Variants in A2M observed in about 807,000 individuals in gnomAD.
The protein encoded by A2M is C3 and PZP-like alpha-2-macroglobulin domain-containing protein 5.
Under a neutral mutation model 183.9 loss-of-function variants are expected in A2M, and 128 were observed. That is an observed-to-expected ratio of 0.70 (90% CI 0.60 to 0.81). The LOEUF is 0.81. A2M is among the 30% of genes least tolerant of loss of function. The pLI, the probability that A2M is intolerant of heterozygous loss-of-function variation, is 0.00. For synonymous variants in A2M, 592 were observed against 670.8 expected, an observed-to-expected ratio of 0.88 and a Z score of 1.81; for missense variants, 1,495 against 1,787.6, an observed-to-expected ratio of 0.84 and a Z score of 2.95.
intron 26 of A2M, 93 bp downstream of exon 26, chr12:9,077,608 C>A: frequency 6.4e-7 from 1 of 1,551,982 alleles, no homozygotes; most frequent in South Asian, 1.2e-5. Context: ...TCCTCTGAGG[C>A]TTTCCCTTAG....
rs112313721 is a variant in A2M at position 9,068,226 on chromosome 12, T to C, written c.4367-2A>G. 1 of 1,601,824 alleles carries C rather than the reference T, an allele frequency of 6.2e-7. No homozygotes were observed. Among genetic ancestry groups the C allele is most frequent in the Non-Finnish European group, 8.5e-7 (1 of 1,177,582 alleles). ...TGTACTCAGCAATTGCAAACTCATC[T>C]GAAAAAAAAAAAACCAACAAAAAAC... On this transcript the variant is annotated splice_acceptor_variant, in intron 34 of 35. Transcript: ENST00000318602. LOFTEE classifies it high-confidence loss of function.
rs1391103365 is a variant in A2M at position 9,093,563 on chromosome 12, T to C, written c.2142A>G (p.Gly714=). 6.2e-7 allele frequency: 1 copy of C among 1,600,136 alleles called. No homozygotes were observed. The highest frequency in any genetic ancestry group is 1.7e-5 in the Admixed American group (1 of 58,404). ...CATGCACCAGGCGTGCATGGCCTCT[T>C]CCCATTACATCTGACTCTATGGTGA... ...RVGFYESDVM[G]RGHARLVHVE... is the part of the protein sequence containing the mutation. Residue 714 remains glycine (G), a synonymous_variant, in exon 18 of 36, where the codon GGA becomes GGG. Coordinates refer to ENST00000318602, the MANE Select transcript of A2M (RefSeq NM_000014.6).
chr12:9,114,129 C>G (rs148582666), intron 1 of A2M, among the ~76,000 whole-genome samples: 1 of 152,240 alleles, frequency 6.6e-6, no homozygotes, highest in East Asian at 1.9e-4. Flanking sequence ...TGTTACCTAA[C>G]CATGGATGTT....
chr12:9,080,714 A>C (rs747854189), intron 22 of A2M, among the ~76,000 whole-genome samples: 1 of 152,360 alleles, frequency 6.6e-6, no homozygotes, highest in African/African-American at 2.4e-5. Flanking sequence ...GAAGACGAAC[A>C]GTATTTGATG....
chr12:9,098,478 G>T, intron 15 of A2M, 129 bp downstream of exon 15: 2 of 954,998 alleles, frequency 2.1e-6, no homozygotes, highest in Non-Finnish European at 2.9e-6. Context: ...GCCCACAAGA[G>T]AGCTCAAAGC....
intron 17 of A2M, among the ~76,000 whole-genome samples, chr12:9,094,511 A>C (rs746021331): frequency 6.6e-6 from 1 of 151,750 alleles, no homozygotes; most frequent in Non-Finnish European, 1.5e-5. Flanking sequence ...GCTTTCCTTG[A>C]TTTTTGACCC....
At chr12:9,069,546 A>G (rs990429599) in intron 33 of A2M, among the ~76,000 whole-genome samples, 199 bp downstream of exon 33, 1 of 152,354 alleles carries the variant, frequency 6.6e-6, no homozygotes, top group East Asian at 1.9e-4. Flanking sequence ...ATATCCCAAG[A>G]TCATAATAAG....
intron 15 of A2M, 75 bp from the exon 16 acceptor site, chr12:9,095,775 C>G (rs1019237859): frequency 2.0e-6 from 2 of 1,008,204 alleles, no homozygotes; most frequent in Non-Finnish European, 2.7e-6. Context: ...TTTTTTGAGA[C>G]GGAGTCTCGC....
chr12:9,091,230 C>A lies in A2M; in HGVS notation c.2440G>T (p.Val814Phe), dbSNP rs1249551463. 1.2e-6 allele frequency: 2 copies of A among 1,614,044 alleles called. No individual in the cohort carries two copies. The highest frequency in any genetic ancestry group is 8.5e-7 in the Non-Finnish European group (1 of 1,180,048). The change falls in exon 19 of 36, where the codon GTC (valine) becomes TTC (phenylalanine). Residue 814 changes from valine (V) to phenylalanine (F), a missense_variant. Val to Phe is a conservative substitution (Grantham distance 50). Coordinates refer to ENST00000318602, the MANE Select transcript of A2M (RefSeq NM_000014.6). ...ATGCATTTGGGAAGGTAGTTTAGGA[C>A]CGTGGCCTTGAGTGTGAAGGCCTCT... ...RGEAFTLKAT[V>F]LNYLPKCIRV...
chr12:9,074,796 A>C lies in A2M; in HGVS notation c.3533-13T>G, dbSNP rs769495314. 1.3e-6 allele frequency: 2 copies of C among 1,594,822 alleles called. No homozygotes were observed. Among genetic ancestry groups the C allele is most frequent in the Non-Finnish European group, 8.5e-7 (1 of 1,170,608 alleles). ...TGGACAGAGTTGTCTTAAAGATGAGAAAAAGATATTTATAAGTGCCTACAT... is the reference window on the plus strand; with the variant it reads ...TGGACAGAGTTGTCTTAAAGATGAGCAAAAGATATTTATAAGTGCCTACAT... On this transcript the variant is annotated splice_polypyrimidine_tract_variant and intron_variant, in intron 28 of 35. Transcript: ENST00000318602.
chr12:9,079,868 A>C, intron 23 of A2M, 53 bp from the exon 24 acceptor site: 1 of 1,437,678 alleles, frequency 7.0e-7, no homozygotes, highest in Non-Finnish European at 9.2e-7. Context: ...ATCATCTATC[A>C]AAGTCATTAA....
chr12:9,097,004 T>G (rs535350417), intron 15 of A2M, among the ~76,000 whole-genome samples: 1 of 152,210 alleles, frequency 6.6e-6, no homozygotes, highest in Admixed American at 6.5e-5. Flanking sequence ...TTGAGAAGAG[T>G]TGGTGTTTTA....
chr12:9,101,805 G>T, intron 11 of A2M, 131 bp from the exon 12 acceptor site: 1 of 743,238 alleles, frequency 1.3e-6, no homozygotes, highest in Non-Finnish European at 2.2e-6. Context: ...AATGAAAAGT[G>T]GGAGAAGGAC....
chr12:9,116,198 G>A (rs989316983), upstream of A2M: 3 of 323,986 alleles, frequency 9.3e-6, no homozygotes, highest in South Asian at 5.4e-5. Flanking sequence ...TCCTCACAAC[G>A]CCTTTTATGG....
rs561216810 is a variant in A2M, at chr12:9,070,112, T to C, written c.4195-299A>G. 3.7e-4 allele frequency among the ~76,000 whole-genome samples: 57 copies of C among 152,310 alleles called. 1 individual carries two copies. The highest frequency in any genetic ancestry group is 1.3e-3 in the African/African-American group (56 of 41,586). On this transcript the variant is annotated intron_variant, in intron 32 of 35. Transcript: ENST00000318602. Reference sequence around the variant, plus strand: ...CAGTTTCTATTTCTTCATAAGGAGTTTTTTTCCTGTTTTGCTTGCTCTATT... The same window carrying C: ...CAGTTTCTATTTCTTCATAAGGAGTCTTTTTCCTGTTTTGCTTGCTCTATT...
chr12:9,109,953 G>C lies in A2M; in HGVS notation c.587C>G (p.Ser196Ter), dbSNP rs1206543276. The C allele has an allele frequency of 6.2e-7, 1 of 1,613,886 alleles. No homozygotes were observed. The highest frequency in any genetic ancestry group is 2.2e-5 in the East Asian group (1 of 44,880). Residue 196 changes from serine to a stop codon, truncating the protein, a stop_gained, in exon 6 of 36, where the codon TCA becomes TGA. Transcript: ENST00000318602. LOFTEE classifies it high-confidence loss of function. ...GLKQFSFPLS[S>*]EPFQGSYKVV... ...CTTGTAGGAGCCCTGGAAGGGCTCT[G>C]ATGAGAGGGGAAAAGAAAATTGCTT...
intron 7 of A2M, among the ~76,000 whole-genome samples, chr12:9,108,999 A>G (rs1592391396): frequency 6.6e-6 from 1 of 151,336 alleles, no homozygotes; most frequent in East Asian, 1.9e-4. Flanking sequence ...TTAAGGCAGA[A>G]CCAATACCCT....
chr12:9,104,612 A>G (rs1430255176), intron 10 of A2M, among the ~76,000 whole-genome samples: 2 of 152,268 alleles, frequency 1.3e-5, no homozygotes, highest in Non-Finnish European at 2.9e-5. Context: ...CATAACATAC[A>G]CTAATTTAGT....
intron 6 of A2M, 138 bp from the exon 7 acceptor site, chr12:9,109,543 T>C: frequency 1.5e-6 from 1 of 672,946 alleles, no homozygotes; most frequent in Non-Finnish European, 2.6e-6. Context: ...TCTATTCTTA[T>C]CTATCCTCCT....
Sources: allele counts gnomAD v4.1 joint callset (sites outside exome capture counted in the v4.1 genomes callset), GRCh38; gene constraint gnomAD v4.1.1; transcripts MANE v1.5; gene names NCBI Gene and HGNC (gene_info 2026-07-23, HGNC 2026-07-21).